Variants in ARHGEF3 observed in about 807,000 individuals in gnomAD.
ARHGEF3 encodes 59.8 kDA protein.
Under a neutral mutation model 63.2 loss-of-function variants are expected in ARHGEF3, and 28 were observed. The ratio of observed to expected loss-of-function variants is 0.44; its 90% CI spans 0.33 to 0.61. The LOEUF (loss-of-function observed/expected upper bound fraction) is 0.61, where lower values mean the gene tolerates loss of function less well. ARHGEF3 is among the 20% of genes least tolerant of loss of function. ARHGEF3 has a pLI of 0.03. For missense variants in ARHGEF3, 533 were observed against 659.3 expected (o/e 0.81, Z 2.10); for synonymous variants, 266 against 254.2 (o/e 1.05, Z -0.44).
intron 1 of ARHGEF3, among the ~76,000 whole-genome samples, chr3:57,052,912 G>A (rs1383525385): frequency 6.6e-6 from 1 of 152,112 alleles, no homozygotes; most frequent in Non-Finnish European, 1.5e-5. Flanking sequence ...CCAGCAGACT[G>A]ACAGGGCTGC....
chr3:56,860,058 A>AGATC (rs2040019859), intron 4 of ARHGEF3, among the ~76,000 whole-genome samples: 2 of 152,150 alleles, frequency 1.3e-5, no homozygotes, highest in East Asian at 1.9e-4. Context: ...ATAGATAGAT[A>AGATC]GATAGATAGA....
chr3:56,828,596 C>T (rs913573824), intron 4 of ARHGEF3, among the ~76,000 whole-genome samples: 1 of 152,092 alleles, frequency 6.6e-6, no homozygotes, highest in Non-Finnish European at 1.5e-5. Flanking sequence ...CTATATCAAC[C>T]TGTCTCTCCC....
At chr3:56,757,973 C>T (rs1168716916) in intron 2 of ARHGEF3, among the ~76,000 whole-genome samples, 10 of 150,662 alleles carry the variant, frequency 6.6e-5, no homozygotes, top group African/African-American at 2.2e-4. Context: ...CCGCCCGCCT[C>T]GGCCTCCCAA....
At chr3:56,732,735 A>G (rs776430448) in intron 8 of ARHGEF3, among the ~76,000 whole-genome samples, 25 of 152,182 alleles carry the variant, frequency 1.6e-4, no homozygotes, top group Non-Finnish European at 3.1e-4. Flanking sequence ...ACTTGTACAG[A>G]CATACCTGCC....
intron 3 of ARHGEF3, among the ~76,000 whole-genome samples, chr3:56,947,272 T>A (rs1173859623): frequency 6.6e-6 from 1 of 152,092 alleles, no homozygotes; most frequent in African/African-American, 2.4e-5. Context: ...AATTCACACA[T>A]AACAATATTA....
At chr3:56,888,221 C>T in intron 3 of ARHGEF3, among the ~76,000 whole-genome samples, 1 of 151,994 alleles carries the variant, frequency 6.6e-6, no homozygotes, top group East Asian at 1.9e-4. Context: ...GCCATTTCCA[C>T]TCCTACGAAA....
At chr3:56,892,970 C>A (rs1336644567) in intron 3 of ARHGEF3, among the ~76,000 whole-genome samples, 1 of 152,176 alleles carries the variant, frequency 6.6e-6, no homozygotes, top group Non-Finnish European at 1.5e-5. Context: ...CCGCACAAAG[C>A]AGAGATGAAA....
intron 3 of ARHGEF3, among the ~76,000 whole-genome samples, chr3:56,923,050 ATATATATATATATATATATATATAT>A (rs2042185931): frequency 8.4e-5 from 2 of 23,700 alleles, no homozygotes; most frequent in Non-Finnish European, 2.1e-4. Context: ...ATATATATAT[ATATATATATATATATATATATATAT>A]AAATTAGTTG....
rs563345936 is a variant in ARHGEF3 at position 56,859,239 on chromosome 3, G to A, written c.192+23053C>T. On this transcript the variant is annotated intron_variant, in intron 4 of 12. Coordinates refer to the ARHGEF3 transcript ENST00000338458. ...TGCAAGCTCTGCCTCCCGGGTTCAC[G>A]CCAATCTCCTGCCTCAGCCTCCCGA... is the stretch of plus-strand genomic sequence containing the variant. Among the ~76,000 whole-genome samples the A allele has an allele frequency of 3.9e-5, 6 of 152,094 alleles. No homozygotes were observed. The East Asian group carries it at 1.2e-3, about 29-fold the overall frequency.
intron 3 of ARHGEF3, among the ~76,000 whole-genome samples, chr3:56,894,569 T>G (rs538965082): frequency 2.0e-5 from 3 of 152,064 alleles, no homozygotes; most frequent in Non-Finnish European, 4.4e-5. Flanking sequence ...CAGGGAGGAC[T>G]GCTTGAACCC....
intron 2 of ARHGEF3, among the ~76,000 whole-genome samples, chr3:56,960,344 T>C (rs1243670848): frequency 6.6e-6 from 1 of 152,166 alleles, no homozygotes. Flanking sequence ...ACAGATGAAA[T>C]TGGGATTCTG....
At chr3:56,928,990 GC>G (rs1323747306) in intron 3 of ARHGEF3, among the ~76,000 whole-genome samples, 1 of 152,156 alleles carries the variant, frequency 6.6e-6, no homozygotes, top group Non-Finnish European at 1.5e-5. Context: ...TAGCGACCTT[GC>G]TGCACAGGAC....
intron 1 of ARHGEF3, among the ~76,000 whole-genome samples, chr3:56,777,384 G>T (rs2107856682): frequency 6.6e-6 from 1 of 152,304 alleles, no homozygotes; most frequent in South Asian, 2.1e-4. Context: ...AAACTGATTT[G>T]ACAATTTAAA....
chr3:56,943,745 T>C (rs1171417340), intron 3 of ARHGEF3, among the ~76,000 whole-genome samples: 1 of 151,934 alleles, frequency 6.6e-6, no homozygotes, highest in Admixed American at 6.6e-5. Context: ...TAAAACCCCA[T>C]CTCTACTAAA....
At chr3:56,874,523 C>A (rs993451756) in intron 4 of ARHGEF3, among the ~76,000 whole-genome samples, 3 of 152,226 alleles carry the variant, frequency 2.0e-5, no homozygotes, top group Admixed American at 6.5e-5. Flanking sequence ...CCTGGTTTAA[C>A]ATATCCTGGC....
chr3:56,989,133 G>A (rs557797691), intron 2 of ARHGEF3, among the ~76,000 whole-genome samples: 1 of 152,324 alleles, frequency 6.6e-6, no homozygotes, highest in Admixed American at 6.5e-5. Flanking sequence ...CATGCCTCCC[G>A]GAGGGCTCCA....
chr3:56,964,006 C>T (rs1700386027), intron 2 of ARHGEF3, among the ~76,000 whole-genome samples: 1 of 152,172 alleles, frequency 6.6e-6, no homozygotes, highest in African/African-American at 2.4e-5. Flanking sequence ...TCATTCTACT[C>T]ATGCCATGGC....
Position 56,773,826 on chromosome 3 carries a change from TAAAA to T in ARHGEF3, c.97-14_97-11del. On this transcript the variant is annotated splice_polypyrimidine_tract_variant and intron_variant, in intron 1 of 9. Coordinates refer to ENST00000296315, the MANE Select transcript of ARHGEF3 (RefSeq NM_019555.3). ...GTTTATTACTAGGCTCCTATAGAGTTAAAAAAAAAAAAAAGTAAAATGTCAAGGT... is the reference window on the plus strand; with the variant it reads ...GTTTATTACTAGGCTCCTATAGAGTTAAAAAAAAAAGTAAAATGTCAAGGT... 11 of 1,400,756 alleles carry T rather than the reference TAAAA, an allele frequency of 7.9e-6. No individual in the cohort carries two copies. Among genetic ancestry groups the T allele is most frequent in the Admixed American group, 4.7e-5 (2 of 42,434 alleles). The allele number at this position is 1,400,756 out of a possible 1,614,324, so 86.8% of individuals were successfully genotyped here.
chr3:56,858,243 C>CA (rs10543472), intron 4 of ARHGEF3, among the ~76,000 whole-genome samples: 14 of 88,062 alleles, frequency 1.6e-4, no homozygotes, highest in African/African-American at 5.5e-4. Flanking sequence ...GACCCTGTCT[C>CA]AAAAAAAAAA....
Sources: allele counts gnomAD v4.1 joint callset (sites outside exome capture counted in the v4.1 genomes callset), GRCh38; gene constraint gnomAD v4.1.1; transcripts MANE v1.5; gene names NCBI Gene and HGNC (gene_info 2026-07-23, HGNC 2026-07-21).